CNTN5: variants seen among roughly 807,000 people sequenced by gnomAD.
CNTN5 encodes the protein contactin-5.
Under a neutral mutation model 129.1 loss-of-function variants are expected in CNTN5, and 77 were observed. The observed-to-expected ratio is 0.60, with a 90% confidence interval of 0.50 to 0.72. CNTN5 has a LOEUF of 0.72. Among genes scored for constraint, CNTN5 ranks in the 30% least tolerant of loss-of-function variants. CNTN5 has a pLI of 0.00. For synonymous variants in CNTN5, 509 were observed against 465.6 expected (o/e 1.09, Z -1.20); for missense variants, 1,478 against 1,328.8 (o/e 1.11, Z -1.75).
chr11:100,001,478 C>T (rs1939873207), intron 8 of CNTN5, among the ~76,000 whole-genome samples: 1 of 152,144 alleles, frequency 6.6e-6, no homozygotes, highest in South Asian at 2.1e-4. Flanking sequence ...TGGCAATGAT[C>T]ACTTCTTATC....
intron 1 of CNTN5, among the ~76,000 whole-genome samples, chr11:99,284,195 T>C (rs76400792): frequency 0.013 from 1,974 of 152,232 alleles, 31 homozygotes; most frequent in African/African-American, 0.044. Context: ...TTGGAATTTA[T>C]TGGAAATTGA....
At chr11:100,064,715 C>A (rs940362454) in intron 10 of CNTN5, among the ~76,000 whole-genome samples, 3 of 152,010 alleles carry the variant, frequency 2.0e-5, no homozygotes, top group African/African-American at 7.2e-5. Context: ...TTTAACTCAT[C>A]ATATAAAATT....
chr11:100,154,678 G>GTATC (rs1333015179), intron 13 of CNTN5, among the ~76,000 whole-genome samples: 2 of 152,058 alleles, frequency 1.3e-5, no homozygotes, highest in East Asian at 1.9e-4. Flanking sequence ...ATCCTCTCTA[G>GTATC]TATCTGTTGT....
At chr11:99,776,593 G>A (rs114778878) in intron 3 of CNTN5, among the ~76,000 whole-genome samples, 238 of 151,246 alleles carry the variant, frequency 1.6e-3, no homozygotes, top group African/African-American at 5.4e-3. Context: ...CTCCGTCTCT[G>A]TGGCCCCATC....
intron 13 of CNTN5, among the ~76,000 whole-genome samples, chr11:100,160,100 T>C (rs1947394017): frequency 6.6e-6 from 1 of 151,900 alleles, no homozygotes; most frequent in Non-Finnish European, 1.5e-5. Context: ...GGCCCTAGTA[T>C]GTGATGTTCC....
At chr11:100,019,766 T>A (rs1167647149) in intron 9 of CNTN5, among the ~76,000 whole-genome samples, 3 of 152,000 alleles carry the variant, frequency 2.0e-5, no homozygotes, top group Non-Finnish European at 4.4e-5. Flanking sequence ...ATCTTTATAA[T>A]CTTTTCCATG....
chr11:99,407,677 T>G (rs1257187443), intron 2 of CNTN5, among the ~76,000 whole-genome samples: 3 of 152,128 alleles, frequency 2.0e-5, no homozygotes, highest in Non-Finnish European at 4.4e-5. Flanking sequence ...CCTTTCAAGG[T>G]TATCTGGGGC....
chr11:100,045,720 T>TA (rs34822140), intron 9 of CNTN5, among the ~76,000 whole-genome samples: 32,886 of 140,568 alleles, frequency 0.23, 4,025 homozygotes, highest in East Asian at 0.46. Context: ...CATTTATTAT[T>TA]AAAAAAAAAA....
chr11:99,388,629 T>C (rs1365851676), intron 2 of CNTN5, among the ~76,000 whole-genome samples: 2 of 152,142 alleles, frequency 1.3e-5, no homozygotes, highest in African/African-American at 4.8e-5. Flanking sequence ...GAAACCAGTG[T>C]GGAATCTACT....
At chr11:99,179,879 A>G (rs191996753) in intron 1 of CNTN5, among the ~76,000 whole-genome samples, 111 of 152,312 alleles carry the variant, frequency 7.3e-4, no homozygotes, top group African/African-American at 2.6e-3. Flanking sequence ...TAGAACTCAT[A>G]TCCTTCAAAC....
At chr11:99,411,538 A>G (rs146102330) in intron 2 of CNTN5, among the ~76,000 whole-genome samples, 39 of 149,750 alleles carry the variant, frequency 2.6e-4, no homozygotes, top group African/African-American at 8.8e-4. Context: ...ATAAATAAAT[A>G]CAAAAAATTT....
chr11:99,620,027 A>AAAAAAAAAAAAAAAAACGAAAAAG (rs1555049924), intron 3 of CNTN5, among the ~76,000 whole-genome samples: 1 of 129,046 alleles, frequency 7.7e-6, no homozygotes, highest in Non-Finnish European at 1.6e-5. Context: ...CTCCGTCTCA[A>AAAAAAAAAAAAAAAAACGAAAAAG]AAAAAAAAAA....
chr11:99,048,009 A>G (rs116916104), intron 1 of CNTN5, among the ~76,000 whole-genome samples: 4,954 of 152,078 alleles, frequency 0.033, 123 homozygotes, highest in Non-Finnish European at 0.046. Flanking sequence ...AAAAAGCAGT[A>G]TATTTTATTT....
chr11:100,041,366 C>T (rs773381019), intron 9 of CNTN5, among the ~76,000 whole-genome samples: 1 of 152,148 alleles, frequency 6.6e-6, no homozygotes, highest in African/African-American at 2.4e-5. Flanking sequence ...TCTATGAATT[C>T]CACCTCTATC....
At chr11:100,023,880 A>G (rs2137576695) in intron 9 of CNTN5, among the ~76,000 whole-genome samples, 1 of 152,022 alleles carries the variant, frequency 6.6e-6, no homozygotes, top group South Asian at 2.1e-4. Context: ...CACTGTCTGG[A>G]TATACCACAG....
At chr11:100,042,094 G>A (rs115337698) in intron 9 of CNTN5, among the ~76,000 whole-genome samples, 5 of 152,004 alleles carry the variant, frequency 3.3e-5, no homozygotes, top group Admixed American at 3.3e-4. Flanking sequence ...TCTCAAGAAG[G>A]GCCCAAGCTT....
At chr11:99,086,754 A>G (rs146458496) in intron 1 of CNTN5, among the ~76,000 whole-genome samples, 1 of 152,336 alleles carries the variant, frequency 6.6e-6, no homozygotes, top group Admixed American at 6.5e-5. Context: ...GATGGAAGCA[A>G]CAATCAAGGT....
chr11:100,186,613 C>G (rs917492778), intron 13 of CNTN5, among the ~76,000 whole-genome samples: 1 of 152,046 alleles, frequency 6.6e-6, no homozygotes, highest in Non-Finnish European at 1.5e-5. Flanking sequence ...GTCTAGAGAC[C>G]AGGACATAAG....
At chr11:99,357,263 A>G (rs1938742080) in intron 2 of CNTN5, among the ~76,000 whole-genome samples, 1 of 152,044 alleles carries the variant, frequency 6.6e-6, no homozygotes, top group Non-Finnish European at 1.5e-5. Flanking sequence ...AAATTCTCAG[A>G]CTTCAATATT....
Sources: gnomAD v4.1 joint callset for allele counts (sites outside exome capture counted in the v4.1 genomes callset) on GRCh38, gnomAD v4.1.1 for gene constraint, MANE v1.5 for transcripts, NCBI Gene and HGNC (gene_info 2026-07-23, HGNC 2026-07-21) for gene names.